Variants in SEPTIN14 observed in about 807,000 individuals in gnomAD.
SEPTIN14 encodes the protein septin-14.
Under a neutral mutation model 53.6 loss-of-function variants are expected in SEPTIN14, and 40 were observed. The ratio of observed to expected loss-of-function variants is 0.75; its 90% confidence interval spans 0.58 to 0.97. The LOEUF (loss-of-function observed/expected upper bound fraction) is 0.97, where lower values mean the gene tolerates loss of function less well. SEPTIN14 is among the 50% of genes least tolerant of loss of function. SEPTIN14 has a pLI of 0.00. For missense variants in SEPTIN14, 471 were observed against 508.2 expected (o/e 0.93, Z 0.70); for synonymous variants, 138 against 166.8 (o/e 0.83, Z 1.33).
At chr7:55,833,985 T>A (rs1027069717) in intron 6 of SEPTIN14, among the ~76,000 whole-genome samples, 1 of 151,864 alleles carries the variant, frequency 6.6e-6, no homozygotes, top group Non-Finnish European at 1.5e-5. Flanking sequence ...ACTACCAAGA[T>A]GGAATGAAGA....
At chr7:55,806,035 C>T (rs1344234834) in intron 8 of SEPTIN14, among the ~76,000 whole-genome samples, 3 of 151,926 alleles carry the variant, frequency 2.0e-5, no homozygotes, top group African/African-American at 7.3e-5. Context: ...CTCTCTTTGT[C>T]GCCCAGACTG....
chr7:55,854,451 A>G (rs1425116461), intron 2 of SEPTIN14, among the ~76,000 whole-genome samples: 1 of 150,904 alleles, frequency 6.6e-6, no homozygotes, highest in Admixed American at 6.6e-5. Flanking sequence ...TTTTTTTGAG[A>G]CGGAGTCTCG....
intron 2 of SEPTIN14, among the ~76,000 whole-genome samples, chr7:55,858,926 TCAGTTTCAGA>T (rs1789696046): frequency 6.6e-6 from 1 of 152,190 alleles, no homozygotes; most frequent in African/African-American, 2.4e-5. Context: ...AAAAGGCATG[TCAGTTTCAGA>T]CATAAAATCT....
In SEPTIN14 at chr7:55,794,549, A is replaced by C. The variant is rs937402255; in HGVS notation, c.*1364T>G. On this transcript the variant is annotated 3_prime_UTR_variant, in exon 10 of 10. Transcript: ENST00000388975. ...AAAGCAAAGATTCTGGTTCTTGTAG[A>C]GTTTCCATTAAAAGATCATTTAGTA... The C allele has an allele frequency of 4.8e-5, 7 of 147,082 alleles. No individual in the cohort carries two copies. The highest frequency in any genetic ancestry group is 1.9e-4 in the African/African-American group (7 of 36,636). 9.1% of individuals were successfully genotyped at this position (147,082 alleles called of 1,614,324 possible). A position where few individuals can be genotyped will look rare whatever the true frequency, so the allele number is the denominator to read the frequency against.
intron 3 of SEPTIN14, among the ~76,000 whole-genome samples, chr7:55,846,256 G>A (rs2116057484): frequency 6.6e-6 from 1 of 151,462 alleles, no homozygotes; most frequent in East Asian, 1.9e-4. Flanking sequence ...ACTTTGGGAA[G>A]CTGAGGTGGG....
intron 2 of SEPTIN14, among the ~76,000 whole-genome samples, chr7:55,857,160 G>A (rs1789645554): frequency 2.0e-5 from 3 of 151,270 alleles, no homozygotes; most frequent in African/African-American, 4.9e-5. Flanking sequence ...ATCACCTGAG[G>A]TCGGGAGTTT....
At chr7:55,841,917 C>T (rs1382786907) in intron 5 of SEPTIN14, among the ~76,000 whole-genome samples, 1 of 151,572 alleles carries the variant, frequency 6.6e-6, no homozygotes, top group Non-Finnish European at 1.5e-5. Flanking sequence ...GGCCTATAGT[C>T]CCAGCTACTT....
chr7:55,837,281 A>T (rs963797447), intron 5 of SEPTIN14, among the ~76,000 whole-genome samples: 6 of 151,440 alleles, frequency 4.0e-5, no homozygotes, highest in African/African-American at 1.5e-4. Flanking sequence ...ATGCCTGGCT[A>T]TTTTTTTGTA....
At position 55,829,208 on chromosome 7, in the gene SEPTIN14, G is replaced by A. The variant is rs1326108319; in HGVS notation, c.720+5217C>T. ...AGCCTGGGCAAGATGGTGAAACCCC[G>A]TATCTACTAAAATACAAAAAATCAG... On this transcript the variant is annotated intron_variant, in intron 6 of 9. Coordinates refer to ENST00000388975, the MANE Select transcript of SEPTIN14 (RefSeq NM_207366.3). Among the ~76,000 whole-genome samples the A allele has an allele frequency of 3.3e-5, 5 of 151,624 alleles. No homozygotes were observed. The East Asian group carries it at 7.7e-4, about 23-fold the overall frequency.
In SEPTIN14 at chr7:55,843,122, T is replaced by C; in HGVS notation, c.378A>G (p.Gln126=). 6.4e-7 allele frequency: 1 copy of C among 1,565,712 alleles called. No homozygotes were observed. The highest frequency in any genetic ancestry group is 8.6e-7 in the Non-Finnish European group (1 of 1,163,184). Residue 126 remains glutamine, a synonymous_variant, in exon 5 of 10, where the codon CAA becomes CAG. Coordinates refer to ENST00000388975, the MANE Select transcript of SEPTIN14 (RefSeq NM_207366.3). Reference sequence around the variant, plus strand: ...GGGCATCTATGTAGTCAACTATTGGTTGGTAGCTAAAAAAAAATTTATACA... The same window carrying C: ...GGGCATCTATGTAGTCAACTATTGGCTGGTAGCTAAAAAAAAATTTATACA... ...GDQIDKEASY[Q]PIVDYIDAQF... is the part of the protein sequence containing the mutation.
chr7:55,809,475 C>T (rs2115970238), intron 7 of SEPTIN14, among the ~76,000 whole-genome samples: 1 of 151,716 alleles, frequency 6.6e-6, no homozygotes, highest in Non-Finnish European at 1.5e-5. Flanking sequence ...CCTGCTTCAG[C>T]CTCTTAAGTA....
At chr7:55,857,256 C>T (rs1789647671) in intron 2 of SEPTIN14, among the ~76,000 whole-genome samples, 1 of 151,224 alleles carries the variant, frequency 6.6e-6, no homozygotes, top group Non-Finnish European at 1.5e-5. Flanking sequence ...CCTGTAATCC[C>T]AGCTACTCAG....
chr7:55,839,258 G>A (rs1584267012), intron 5 of SEPTIN14, among the ~76,000 whole-genome samples: 1 of 151,668 alleles, frequency 6.6e-6, no homozygotes, highest in South Asian at 2.1e-4. Flanking sequence ...GCGTGGTAGC[G>A]GGCACCTGTG....
At chr7:55,804,305 G>A (rs915085076) in intron 9 of SEPTIN14, among the ~76,000 whole-genome samples, 17 of 150,306 alleles carry the variant, frequency 1.1e-4, no homozygotes, top group Non-Finnish European at 2.4e-4. Flanking sequence ...TCTCGCCCAG[G>A]CTGGAGGCAG....
chr7:55,849,182 C>T (rs929505298), intron 2 of SEPTIN14, among the ~76,000 whole-genome samples: 25 of 150,980 alleles, frequency 1.7e-4, no homozygotes, highest in Non-Finnish European at 2.2e-4. Context: ...AAAATGAACC[C>T]GGCATGGTGG....
At chr7:55,854,026 C>T (rs572556517) in intron 2 of SEPTIN14, among the ~76,000 whole-genome samples, 3 of 151,982 alleles carry the variant, frequency 2.0e-5, no homozygotes, top group East Asian at 1.9e-4. Context: ...GAGGCTGAGG[C>T]GGGAGAATCA....
chr7:55,835,286 T>C (rs1466915485), intron 5 of SEPTIN14, among the ~76,000 whole-genome samples: 3 of 152,048 alleles, frequency 2.0e-5, no homozygotes, highest in African/African-American at 4.8e-5. Flanking sequence ...CACTGCAAGC[T>C]CCGCCTCCCA....
chr7:55,838,099 C>A (rs1256133246), intron 5 of SEPTIN14, among the ~76,000 whole-genome samples: 1 of 151,990 alleles, frequency 6.6e-6, no homozygotes, highest in African/African-American at 2.4e-5. Context: ...CTACAAAAAA[C>A]TGCTGAATAA....
chr7:55,854,240 AC>A (rs945282130), intron 2 of SEPTIN14, among the ~76,000 whole-genome samples: 116 of 152,316 alleles, frequency 7.6e-4, no homozygotes, highest in African/African-American at 2.6e-3. Context: ...TGAATTGAAT[AC>A]CCATTTGTGA....
Sources: gnomAD v4.1 joint callset for allele counts (sites outside exome capture counted in the v4.1 genomes callset) on GRCh38, gnomAD v4.1.1 for gene constraint, MANE v1.5 for transcripts, NCBI Gene and HGNC (gene_info 2026-07-23, HGNC 2026-07-21) for gene names.